Variants in NFIX observed in about 807,000 individuals in gnomAD.
The protein encoded by NFIX is nuclear factor 1 X-type.
NFIX carries 2 observed loss-of-function variants against 53.3 expected under a neutral mutation model. The observed-to-expected ratio is 0.04, with a 90% CI of 0.02 to 0.12. The LOEUF is 0.12. Among genes scored for constraint, NFIX ranks in the 10% least tolerant of loss-of-function variants. The pLI is 1.00. For missense variants in NFIX, 310 were observed against 674.5 expected, an observed-to-expected ratio of 0.46 and a Z score of 5.99; for synonymous variants, 244 against 289.0, an observed-to-expected ratio of 0.84 and a Z score of 1.58.
Position 13,089,176 on chromosome 19 carries a change from T to C in NFIX, c.1402+1040T>C, listed in dbSNP as rs1326551050. Among the ~76,000 whole-genome samples the C allele has an allele frequency of 6.6e-6, 1 of 151,586 alleles. No individual in the cohort carries two copies. Among genetic ancestry groups the C allele is most frequent in the African/African-American group, 2.4e-5 (1 of 41,242 alleles). On this transcript the variant is annotated intron_variant, in intron 9 of 10. Coordinates refer to ENST00000592199, the MANE Select transcript of NFIX (RefSeq NM_001365902.3). This position sits in a 1 kb window ranked among gnomAD's most constrained non-coding sequence, Gnocchi z 4.8. ...CCATAAGACATGAAGTCACAGTCATTGGAGGTGGGCAGGGTGGGGGATGGG... is the reference window on the plus strand; with the variant it reads ...CCATAAGACATGAAGTCACAGTCATCGGAGGTGGGCAGGGTGGGGGATGGG...
intron 1 of NFIX, among the ~76,000 whole-genome samples, chr19:13,000,656 C>A (rs1363934252): frequency 1.3e-5 from 2 of 152,114 alleles, no homozygotes; most frequent in African/African-American, 2.4e-5. Context: ...TATGTGTGCA[C>A]GCATTCATCC....
In NFIX at chr19:13,066,093, A is replaced by G. The variant is rs753459557; in HGVS notation, c.560-6954A>G. On this transcript the variant is annotated intron_variant, in intron 2 of 10. Coordinates refer to ENST00000592199, the MANE Select transcript of NFIX (RefSeq NM_001365902.3). This position sits in a 1 kb window ranked among gnomAD's most constrained non-coding sequence, Gnocchi z 4.2. ...ACACCGTGTGGGGCCTGAGGCTTTC[A>G]GATGAAGTGTGAGACTGCTCTGCTG... Among the ~76,000 whole-genome samples, 3 of 152,152 alleles carry G rather than the reference A, an allele frequency of 2.0e-5. No individual in the cohort carries two copies. The highest frequency in any genetic ancestry group is 4.4e-5 in the Non-Finnish European group (3 of 68,012).
chr19:13,066,912 C>T lies in NFIX; in HGVS notation c.560-6135C>T, dbSNP rs1397329815. On this transcript the variant is annotated intron_variant, in intron 2 of 10. Transcript: ENST00000592199. This position sits in a 1 kb window ranked among gnomAD's most constrained non-coding sequence, Gnocchi z 4.2. ...CATTCTCAAGGACTTCCTTGGTCCC[C>T]TGAGTCTCCTGTCTGCTGAGACGGG... Among the ~76,000 whole-genome samples the T allele has an allele frequency of 6.6e-6, 1 of 152,186 alleles. No individual in the cohort carries two copies. Among genetic ancestry groups the T allele is most frequent in the Non-Finnish European group, 1.5e-5 (1 of 68,034 alleles).
At chr19:13,086,202 C>G (rs1319964533) in intron 8 of NFIX, among the ~76,000 whole-genome samples, 1 of 152,178 alleles carries the variant, frequency 6.6e-6, no homozygotes, top group Non-Finnish European at 1.5e-5. Flanking sequence ...GGGGCTGGAC[C>G]AGTAGAGGCA....
intron 7 of NFIX, among the ~76,000 whole-genome samples, chr19:13,079,582 G>A (rs2017336106): frequency 6.6e-6 from 1 of 152,210 alleles, no homozygotes; most frequent in African/African-American, 2.4e-5. Context: ...AGAAAATGAG[G>A]AGGTTTACCT....
chr19:13,074,314 T>G (rs1173486037), intron 5 of NFIX, among the ~76,000 whole-genome samples: 1 of 151,984 alleles, frequency 6.6e-6, no homozygotes, highest in South Asian at 2.1e-4. Context: ...GAGGTGACAT[T>G]TGAGCCCAGA....
rs930112600 is a variant in NFIX at position 13,049,633 on chromosome 19, G to A, written c.560-23414G>A. ...TTTTGAGACAGAGTCTTACTCTGTC[G>A]CCCAGGCTGGAGTGCAGTGGCGCGA... is the stretch of plus-strand genomic sequence containing the variant. On this transcript the variant is annotated intron_variant, in intron 2 of 10. Transcript: ENST00000592199. This position sits in a 1 kb window ranked among gnomAD's most constrained non-coding sequence, Gnocchi z 4.5. Among the ~76,000 whole-genome samples, 8 of 147,428 alleles carry A rather than the reference G, an allele frequency of 5.4e-5. No homozygotes were observed. Among genetic ancestry groups the A allele is most frequent in the Admixed American group, 1.4e-4 (2 of 14,584 alleles).
In NFIX at chr19:13,051,553, G is replaced by A. The variant is rs2015327463; in HGVS notation, c.560-21494G>A. Among the ~76,000 whole-genome samples the A allele has an allele frequency of 6.6e-6, 1 of 152,182 alleles. No homozygotes were observed. Among genetic ancestry groups the A allele is most frequent in the African/African-American group, 2.4e-5 (1 of 41,448 alleles). ...TGACATCTCCCCCGTACCCAGGCCA[G>A]TGAGCCAGATTTTTTTCCAAGCCTC... On this transcript the variant is annotated intron_variant, in intron 2 of 10. Transcript: ENST00000592199. The surrounding 1 kb of genome is among the most constrained non-coding windows in gnomAD (Gnocchi z 5.1).
chr19:13,087,457 C>T (rs568542312), intron 8 of NFIX, among the ~76,000 whole-genome samples: 2 of 152,252 alleles, frequency 1.3e-5, no homozygotes, highest in Admixed American at 6.5e-5. Context: ...AGGACGAGCT[C>T]CCCAACTTCT....
At position 12,996,958 on chromosome 19, in the gene NFIX, C is replaced by T. The variant is rs1309021761; in HGVS notation, c.27+1094C>T. Among the ~76,000 whole-genome samples, 1 of 152,228 alleles carries T rather than the reference C, an allele frequency of 6.6e-6. No individual in the cohort carries two copies. The highest frequency in any genetic ancestry group is 1.5e-5 in the Non-Finnish European group (1 of 68,034). ...CAGAGTCCCACAGTGGCCCTGACAG[C>T]GTTGCCTGCAGGGCCAAGCCACAGC... On this transcript the variant is annotated intron_variant, in intron 1 of 10. Transcript: ENST00000592199. This position sits in a 1 kb window ranked among gnomAD's most constrained non-coding sequence, Gnocchi z 5.2.
chr19:13,012,570 G>A lies in NFIX; in HGVS notation c.28-12451G>A, dbSNP rs1414168719. 2.0e-5 allele frequency among the ~76,000 whole-genome samples: 3 copies of A among 152,190 alleles called. No individual in the cohort carries two copies. The highest frequency in any genetic ancestry group is 7.2e-5 in the African/African-American group (3 of 41,460). On this transcript the variant is annotated intron_variant, in intron 1 of 10. Coordinates refer to ENST00000592199, the MANE Select transcript of NFIX (RefSeq NM_001365902.3). This position sits in a 1 kb window ranked among gnomAD's most constrained non-coding sequence, Gnocchi z 5.0. ...TCCGATGTCGGCATTTTTGCCTTAA[G>A]GCTAGTTTGTCCCCCAGGCGCGCGG...
intron 2 of NFIX, among the ~76,000 whole-genome samples, chr19:13,026,309 T>C (rs958435487): frequency 6.6e-5 from 10 of 151,950 alleles, no homozygotes; most frequent in Admixed American, 2.0e-4. Context: ...CAGAGAGGCT[T>C]TCTCGGGGCA....
At chr19:13,091,521 CCA>C (rs1271261625) in intron 10 of NFIX, among the ~76,000 whole-genome samples, 1 of 152,112 alleles carries the variant, frequency 6.6e-6, no homozygotes, top group African/African-American at 2.4e-5. Context: ...CCCCCTTTCC[CCA>C]GAGTCACGTC....
At chr19:13,008,982 A>G (rs2012174012) in intron 1 of NFIX, among the ~76,000 whole-genome samples, 1 of 152,154 alleles carries the variant, frequency 6.6e-6, no homozygotes, top group East Asian at 1.9e-4. Context: ...CCAGGTCCTC[A>G]CCGAGGTAGA....
At position 13,088,257 on chromosome 19, in the gene NFIX, C is replaced by T. The variant is rs2017909926; in HGVS notation, c.1402+121C>T. The T allele has an allele frequency of 8.0e-7, 1 of 1,254,112 alleles. No homozygotes were observed. The highest frequency in any genetic ancestry group is 1.5e-5 in the African/African-American group (1 of 66,148). The allele number at this position is 1,254,112 out of a possible 1,614,324, so 77.7% of individuals were successfully genotyped here. On this transcript the variant is annotated intron_variant, in intron 9 of 10. Coordinates refer to ENST00000592199, the MANE Select transcript of NFIX (RefSeq NM_001365902.3). This position sits in a 1 kb window ranked among gnomAD's most constrained non-coding sequence, Gnocchi z 5.9. ...CACCAAAGCCCCCCAACCCAGAGCA[C>T]CATGGACAAGAGCAGAGCCGAGCCC...
In NFIX at chr19:13,014,856, G is replaced by C. The variant is rs1347625678; in HGVS notation, c.28-10165G>C. On this transcript the variant is annotated intron_variant, in intron 1 of 10. Coordinates refer to ENST00000592199, the MANE Select transcript of NFIX (RefSeq NM_001365902.3). This position sits in a 1 kb window ranked among gnomAD's most constrained non-coding sequence, Gnocchi z 4.4. ...TTTTTATCAGGGCTGCAGAGGTTCG[G>C]CTCTGGGCTGGTGGTAGGGGGCTGG... Among the ~76,000 whole-genome samples, 1 of 152,176 alleles carries C rather than the reference G, an allele frequency of 6.6e-6. No individual in the cohort carries two copies. The highest frequency in any genetic ancestry group is 3.2e-3 in the Middle Eastern group (1 of 316).
chr19:13,036,061 C>T lies in NFIX; in HGVS notation c.559+10509C>T, dbSNP rs1432638225. Reference sequence around the variant, plus strand: ...GTGGTATAACCCCGACCACAGAAGTCAGGGCCTAAGCCTCAGCCTGCCCTG... The same window carrying T: ...GTGGTATAACCCCGACCACAGAAGTTAGGGCCTAAGCCTCAGCCTGCCCTG... On this transcript the variant is annotated intron_variant, in intron 2 of 10. Transcript: ENST00000592199. This position sits in a 1 kb window ranked among gnomAD's most constrained non-coding sequence, Gnocchi z 4.7. Among the ~76,000 whole-genome samples the T allele has an allele frequency of 2.0e-5, 3 of 152,204 alleles. No individual in the cohort carries two copies. The highest frequency in any genetic ancestry group is 4.4e-5 in the Non-Finnish European group (3 of 68,036).
chr19:13,041,928 C>T (rs910650827), intron 2 of NFIX, among the ~76,000 whole-genome samples: 2 of 151,978 alleles, frequency 1.3e-5, no homozygotes, highest in Non-Finnish European at 2.9e-5. Context: ...GATGGAGTCT[C>T]GCTCTGTCGC....
Position 13,011,333 on chromosome 19 carries a change from A to G in NFIX, c.28-13688A>G, listed in dbSNP as rs1390524296. On this transcript the variant is annotated intron_variant, in intron 1 of 10. Transcript: ENST00000592199. This position sits in a 1 kb window ranked among gnomAD's most constrained non-coding sequence, Gnocchi z 6.5. ...AATTAACCCTGAGTGACGGCTTGCA[A>G]TTCGCCACAAAGAGGCCATTTAATG... Among the ~76,000 whole-genome samples the G allele has an allele frequency of 1.3e-5, 2 of 152,186 alleles. No individual in the cohort carries two copies. The highest frequency in any genetic ancestry group is 3.9e-4 in the East Asian group (2 of 5,190).
Sources: gnomAD v4.1 joint callset for allele counts (sites outside exome capture counted in the v4.1 genomes callset) on GRCh38, gnomAD v4.1.1 for gene constraint, Gnocchi (gnomAD v3.1) non-coding constraint, MANE v1.5 for transcripts, NCBI Gene and HGNC (gene_info 2026-07-23, HGNC 2026-07-21) for gene names.